Variants in PRDM10 observed in about 807,000 individuals in gnomAD.
PRDM10 encodes PR domain zinc finger protein 10.
In PRDM10, 65 loss-of-function variants were observed where a neutral mutation model predicts 133.1. The observed-to-expected ratio is 0.49, with a 90% confidence interval of 0.40 to 0.60. The LOEUF is 0.60. Among genes scored for constraint, PRDM10 ranks in the 20% least tolerant of loss-of-function variants. The probability of loss-of-function intolerance (pLI) is 0.00; values close to 1 mark genes in which losing one functional copy is unlikely to be tolerated. For synonymous variants in PRDM10, 582 were observed against 580.4 expected (o/e 1.00, Z -0.04); for missense variants, 1,137 against 1,507.1 (o/e 0.75, Z 4.07).
At chr11:129,998,224 T>C (rs1298259701) in intron 1 of PRDM10, among the ~76,000 whole-genome samples, 1 of 152,214 alleles carries the variant, frequency 6.6e-6, no homozygotes, top group East Asian at 1.9e-4. Context: ...TATTTCACAC[T>C]TCACAGCACT....
At chr11:130,000,721 A>G (rs766005848) in intron 1 of PRDM10, among the ~76,000 whole-genome samples, 2 of 152,246 alleles carry the variant, frequency 1.3e-5, no homozygotes, top group Non-Finnish European at 2.9e-5. Flanking sequence ...GTCTTGATCC[A>G]AAACAAACAA....
rs780566569 is a variant in PRDM10 at position 129,935,196 on chromosome 11, A to G, written c.1062T>C (p.Asn354=). ...ERKVLREQEK[N]WPCYECNRRF... Reference sequence around the variant, plus strand: ...GGCGGTTACATTCATAGCAGGGCCAATTCTTCTCTTGCTCTCGAAGAACTA... The same window carrying G: ...GGCGGTTACATTCATAGCAGGGCCAGTTCTTCTCTTGCTCTCGAAGAACTA... Residue 354 remains asparagine, a synonymous_variant, in exon 9 of 21, where the codon AAT becomes AAC. Coordinates refer to ENST00000360871, the MANE Select transcript of PRDM10 (RefSeq NM_199437.2). 1.6e-5 allele frequency: 26 copies of G among 1,613,760 alleles called. No individual in the cohort carries two copies. The South Asian group carries it at 2.7e-4, about 17-fold the overall frequency.
At position 129,923,209 on chromosome 11, in the gene PRDM10, G is replaced by T; in HGVS notation, c.2034+39C>A. The stretch of plus-strand genomic sequence containing the variant: ...CCCTCAGCTTGCTATAATTCCAGTG[G>T]CCACGAGAACCACCTTGGGCTGTGC... On this transcript the variant is annotated intron_variant, in intron 13 of 20. Transcript: ENST00000360871. The surrounding 1 kb of genome is among the most constrained non-coding windows in gnomAD (Gnocchi z 4.4). The T allele has an allele frequency of 6.6e-7, 1 of 1,522,806 alleles. No individual in the cohort carries two copies. Among genetic ancestry groups the T allele is most frequent in the Non-Finnish European group, 8.8e-7 (1 of 1,131,654 alleles). The allele number at this position is 1,522,806 out of a possible 1,614,324, so 94.3% of individuals were successfully genotyped here.
rs142830815 is a variant in PRDM10 at position 129,990,455 on chromosome 11, G to A, written c.-119+12267C>T. On this transcript the variant is annotated intron_variant, in intron 1 of 20. Transcript: ENST00000360871. ...AAGAATCACTTGAACCTGGGAGGTA[G>A]AAGTCGCAGTGAGCAGAGATGGTGC... is the stretch of plus-strand genomic sequence containing the variant. Among the ~76,000 whole-genome samples the A allele has an allele frequency of 6.1e-3, 880 of 145,178 alleles. 3 individuals carry two copies. Among genetic ancestry groups the A allele is most frequent in the Non-Finnish European group, 8.1e-3 (543 of 67,058 alleles).
At chr11:129,994,297 TA>T (rs546788739) in intron 1 of PRDM10, among the ~76,000 whole-genome samples, 1,385 of 95,408 alleles carry the variant, frequency 0.015, 25 homozygotes, top group African/African-American at 0.086. Flanking sequence ...CCATCTCTAC[TA>T]AAAAAAAAGT....
chr11:129,972,758 C>G (rs1952059835), intron 1 of PRDM10, among the ~76,000 whole-genome samples: 1 of 152,192 alleles, frequency 6.6e-6, no homozygotes, highest in African/African-American at 2.4e-5. Flanking sequence ...TTTCTTTAAG[C>G]TTGTGGCCCT....
chr11:129,999,045 A>C (rs1939207122), intron 1 of PRDM10, among the ~76,000 whole-genome samples: 1 of 151,580 alleles, frequency 6.6e-6, no homozygotes, highest in Non-Finnish European at 1.5e-5. Flanking sequence ...CTGTTCTCGA[A>C]CTCCTGGACT....
intron 6 of PRDM10, among the ~76,000 whole-genome samples, 165 bp from the exon 7 acceptor site, chr11:129,942,794 A>G (rs780329857): frequency 6.6e-5 from 10 of 152,210 alleles, no homozygotes; most frequent in Non-Finnish European, 1.3e-4. Context: ...CCAAATGTCA[A>G]AGGGAAAAGA....
Position 129,908,699 on chromosome 11 carries a change from C to T in PRDM10, c.3163+1777G>A, listed in dbSNP as rs376634602. 3.7e-4 allele frequency among the ~76,000 whole-genome samples: 56 copies of T among 152,154 alleles called. No homozygotes were observed. The East Asian group carries it at 5.6e-3, about 15-fold the overall frequency. ...CATTTTTCCCTAATAAATTTCAGTC[C>T]CAGAATCTTTTCTACAGGTTAGAAT... On this transcript the variant is annotated intron_variant, in intron 19 of 20. Coordinates refer to ENST00000360871, the MANE Select transcript of PRDM10 (RefSeq NM_199437.2).
At position 129,959,532 on chromosome 11, in the gene PRDM10, G is replaced by A. The variant is rs181448369; in HGVS notation, c.69+1364C>T. Among the ~76,000 whole-genome samples the A allele has an allele frequency of 3.3e-4, 51 of 152,240 alleles. 1 individual carries two copies. Among genetic ancestry groups the A allele is most frequent in the African/African-American group, 1.2e-3 (49 of 41,544 alleles). ...AGTTGGGAGGAAGGAGTGCCACAGG[G>A]ACCCTGACCTTGGCTATCTACTATC... On this transcript the variant is annotated intron_variant, in intron 2 of 20. Coordinates refer to ENST00000360871, the MANE Select transcript of PRDM10 (RefSeq NM_199437.2).
chr11:129,929,458 C>T (rs753853071), intron 11 of PRDM10: 38 of 1,544,264 alleles, frequency 2.5e-5, no homozygotes, highest in African/African-American at 2.7e-5. Context: ...AAAATAGTTA[C>T]ATTACCAATT....
At chr11:129,999,069 T>A (rs1272937598) in intron 1 of PRDM10, among the ~76,000 whole-genome samples, 1 of 152,126 alleles carries the variant, frequency 6.6e-6, no homozygotes. Context: ...GCAATCTGCC[T>A]GCCTTGGCCT....
At chr11:129,961,176 G>T in intron 1 of PRDM10, 94 bp from the exon 2 acceptor site, 1 of 469,598 alleles carries the variant, frequency 2.1e-6, no homozygotes, top group South Asian at 4.5e-5. Flanking sequence ...AGAAAGCTTT[G>T]TCAAAAAGCA....
At chr11:129,929,346 A>G in intron 11 of PRDM10, 1 of 1,503,826 alleles carries the variant, frequency 6.6e-7, no homozygotes, top group Non-Finnish European at 9.0e-7. Context: ...TACAGGTTGC[A>G]AAGAACAGCA....
intron 4 of PRDM10, among the ~76,000 whole-genome samples, chr11:129,954,874 T>C (rs1430940759): frequency 6.6e-6 from 1 of 152,024 alleles, no homozygotes; most frequent in Non-Finnish European, 1.5e-5. Flanking sequence ...GGTCTCACTA[T>C]ATTGCCCAGT....
intron 1 of PRDM10, among the ~76,000 whole-genome samples, chr11:129,976,014 T>A (rs1937738347): frequency 2.6e-5 from 4 of 151,994 alleles, no homozygotes; most frequent in Admixed American, 2.6e-4. Flanking sequence ...ACGCATGGTA[T>A]CTCCAAGGTT....
At chr11:129,944,262 G>GC (rs995020288) in intron 6 of PRDM10, among the ~76,000 whole-genome samples, 2 of 152,082 alleles carry the variant, frequency 1.3e-5, no homozygotes, top group African/African-American at 4.8e-5. Context: ...AACTACCGTA[G>GC]CCCCCCAGAA....
intron 1 of PRDM10, among the ~76,000 whole-genome samples, chr11:130,001,855 G>A (rs944308315): frequency 6.6e-6 from 1 of 151,954 alleles, no homozygotes; most frequent in Non-Finnish European, 1.5e-5. Flanking sequence ...GCGGACTGGG[G>A]CAGGGCCGCG....
chr11:129,921,139 G>T (rs896635182), intron 13 of PRDM10, among the ~76,000 whole-genome samples: 1 of 152,110 alleles, frequency 6.6e-6, no homozygotes, highest in African/African-American at 2.4e-5. Context: ...CCCTGAAGTT[G>T]GAAGGTCCCA....
Sources: allele counts gnomAD v4.1 joint callset (sites outside exome capture counted in the v4.1 genomes callset), GRCh38; gene constraint gnomAD v4.1.1; non-coding constraint Gnocchi (gnomAD v3.1); transcripts MANE v1.5; gene names NCBI Gene and HGNC (gene_info 2026-07-23, HGNC 2026-07-21).